Variants in CMKLR2 observed in about 807,000 individuals in gnomAD.
The protein encoded by CMKLR2 is chemerin chemokine-like receptor 2.
A neutral mutation model predicts 23.0 loss-of-function variants in CMKLR2; 18 were observed. That is an observed-to-expected ratio of 0.78 (90% CI 0.54 to 1.16). The LOEUF is 1.16. Among genes scored for constraint, CMKLR2 ranks in the 50% most tolerant of loss-of-function variants. The pLI is 0.00. For synonymous variants in CMKLR2, 158 were observed against 158.9 expected, an observed-to-expected ratio of 0.99 and a Z score of 0.05; for missense variants, 401 against 412.7, an observed-to-expected ratio of 0.97 and a Z score of 0.25.
At position 206,176,266 on chromosome 2, in the gene CMKLR2, A is replaced by G. The variant is rs1688204241; in HGVS notation, c.982T>C (p.Trp328Arg). 2 of 1,614,172 alleles carry G rather than the reference A, an allele frequency of 1.2e-6. No homozygotes were observed. The highest frequency in any genetic ancestry group is 1.6e-4 in the Middle Eastern group (1 of 6,062). ...SVAEILKYTL[W>R]EVSCSGTVSE... is the part of the protein sequence containing the mutation. ...ACTGTGCCAGAACAGCTGACTTCCCACAGTGTGTACTTGAGTATCTCAGCA... is the reference window on the plus strand; with the variant it reads ...ACTGTGCCAGAACAGCTGACTTCCCGCAGTGTGTACTTGAGTATCTCAGCA... The change falls in exon 2 of 2, where the codon TGG (tryptophan) becomes CGG (arginine). Residue 328 changes from tryptophan to arginine, a missense_variant. Coordinates refer to ENST00000621141, the MANE Select transcript of CMKLR2 (RefSeq NM_001389445.1).
intron 1 of CMKLR2, among the ~76,000 whole-genome samples, chr2:206,209,228 C>T (rs563647530): frequency 5.3e-5 from 8 of 151,874 alleles, no homozygotes; most frequent in Non-Finnish European, 1.2e-4. Flanking sequence ...ATCCCAGCTA[C>T]TCTAATGGCT....
intron 1 of CMKLR2, among the ~76,000 whole-genome samples, chr2:206,179,791 A>T (rs566757858): frequency 6.6e-6 from 1 of 152,266 alleles, no homozygotes; most frequent in South Asian, 2.1e-4. Flanking sequence ...AGCAGAAAAA[A>T]GATTAATAGT....
intron 1 of CMKLR2, among the ~76,000 whole-genome samples, chr2:206,200,387 C>T (rs1208734993): frequency 6.6e-6 from 1 of 151,988 alleles, no homozygotes; most frequent in African/African-American, 2.4e-5. Context: ...GGCGCCATTG[C>T]ACTCCAGCCT....
chr2:206,188,884 G>A, intron 1 of CMKLR2, among the ~76,000 whole-genome samples: 1 of 152,200 alleles, frequency 6.6e-6, no homozygotes, highest in Non-Finnish European at 1.5e-5. Context: ...CTGGCAGAAA[G>A]TGTAATAATA....
chr2:206,206,865 G>T (rs1214507230), intron 1 of CMKLR2, among the ~76,000 whole-genome samples: 1 of 149,620 alleles, frequency 6.7e-6, no homozygotes, highest in Non-Finnish European at 1.5e-5. Context: ...AAGAGAATTT[G>T]AGTTCTTGAT....
chr2:206,215,564 G>C (rs1047083524), upstream of CMKLR2, among the ~76,000 whole-genome samples: 2 of 152,156 alleles, frequency 1.3e-5, no homozygotes, highest in African/African-American at 2.4e-5. Context: ...TTATGTTTTA[G>C]CCACCACCTA....
intron 1 of CMKLR2, among the ~76,000 whole-genome samples, chr2:206,198,629 C>G (rs1280340143): frequency 6.6e-6 from 1 of 152,032 alleles, no homozygotes; most frequent in African/African-American, 2.4e-5. Context: ...AGGTCCAAAC[C>G]AAAAAGCCTA....
chr2:206,196,618 C>A (rs1384593707), intron 1 of CMKLR2, among the ~76,000 whole-genome samples: 1 of 152,200 alleles, frequency 6.6e-6, no homozygotes, highest in East Asian at 1.9e-4. Context: ...GACTCTTCCT[C>A]ACCACTCCCC....
At chr2:206,212,509 G>C (rs1162963261) in intron 1 of CMKLR2, among the ~76,000 whole-genome samples, 1 of 152,128 alleles carries the variant, frequency 6.6e-6, no homozygotes, top group Non-Finnish European at 1.5e-5. Context: ...TATTGCCAGT[G>C]AAAGTCCTGT....
rs951709648 is a variant in CMKLR2 at position 206,176,005 on chromosome 2, G to A, written c.*175C>T. 2.1e-6 allele frequency: 1 copy of A among 465,928 alleles called. No individual in the cohort carries two copies. The highest frequency in any genetic ancestry group is 3.7e-6 in the Non-Finnish European group (1 of 269,836). The allele number at this position is 465,928 out of a possible 1,614,324, so 28.9% of individuals were successfully genotyped here. On this transcript the variant is annotated 3_prime_UTR_variant, in exon 2 of 2. Transcript: ENST00000621141. ...TTATTGCCACATCACAAGGAGTCAA[G>A]AGGATCCTTCCTAAGTTTCATATCC...
At position 206,202,831 on chromosome 2, in the gene CMKLR2, G is replaced by A. The variant is rs997811235; in HGVS notation, c.-29+10476C>T. On this transcript the variant is annotated intron_variant, in intron 1 of 1. Coordinates refer to ENST00000621141, the MANE Select transcript of CMKLR2 (RefSeq NM_001389445.1). ...ACACGTGGCACTGTGGACCTCAGCT[G>A]CTGCCAGCCCCTCAAAGCCTGTCAC... Among the ~76,000 whole-genome samples, 10 of 152,096 alleles carry A rather than the reference G, an allele frequency of 6.6e-5. No individual in the cohort carries two copies. In the East Asian group the frequency reaches 1.9e-3, roughly 29 times the overall value.
chr2:206,209,411 G>T (rs150432959), intron 1 of CMKLR2, among the ~76,000 whole-genome samples: 1 of 152,036 alleles, frequency 6.6e-6, no homozygotes, highest in African/African-American at 2.4e-5. Context: ...GGATACAAGT[G>T]CAGGATGTAC....
intron 1 of CMKLR2, among the ~76,000 whole-genome samples, chr2:206,189,936 A>G (rs1025100335): frequency 6.6e-6 from 1 of 152,160 alleles, no homozygotes; most frequent in Non-Finnish European, 1.5e-5. Flanking sequence ...TGCCATTCAG[A>G]TGAACGATCT....
chr2:206,191,665 CTTTCT>C (rs1453991083), intron 1 of CMKLR2, among the ~76,000 whole-genome samples: 33 of 144,910 alleles, frequency 2.3e-4, no homozygotes, highest in African/African-American at 8.3e-4. Flanking sequence ...TCTTACTTCT[CTTTCT>C]TTTTTTTTTT....
rs1311136778 is a variant in CMKLR2, at chr2:206,186,742, T to G, written c.-28-9467A>C. ...ACTTAACATGAAGGAGGTTTTGCAG[T>G]TGACTATGGTGGGTTAAAGAGGTGC... On this transcript the variant is annotated intron_variant, in intron 1 of 1. Coordinates refer to ENST00000621141, the MANE Select transcript of CMKLR2 (RefSeq NM_001389445.1). Among the ~76,000 whole-genome samples the G allele has an allele frequency of 4.0e-5, 6 of 151,714 alleles. No homozygotes were observed. The East Asian group carries it at 1.2e-3, about 29-fold the overall frequency.
chr2:206,201,668 A>T (rs1689101666), intron 1 of CMKLR2, among the ~76,000 whole-genome samples: 2 of 152,200 alleles, frequency 1.3e-5, no homozygotes, highest in African/African-American at 4.8e-5. Flanking sequence ...AAAAAAAAAA[A>T]GTAACTTTGC....
chr2:206,206,628 G>A (rs1289607170), intron 1 of CMKLR2, among the ~76,000 whole-genome samples: 2 of 152,178 alleles, frequency 1.3e-5, no homozygotes, highest in Non-Finnish European at 2.9e-5. Flanking sequence ...TAGAGCAACT[G>A]TTACTACATA....
intron 1 of CMKLR2, among the ~76,000 whole-genome samples, chr2:206,184,594 C>T (rs937083386): frequency 3.9e-5 from 6 of 152,046 alleles, no homozygotes; most frequent in African/African-American, 1.4e-4. Context: ...CGTGCCCAAC[C>T]TAGACCCCAT....
intron 1 of CMKLR2, among the ~76,000 whole-genome samples, chr2:206,207,931 A>T (rs1017453032): frequency 3.3e-5 from 5 of 150,688 alleles, no homozygotes; most frequent in African/African-American, 1.2e-4. Flanking sequence ...TAGTAGAGAC[A>T]GTTTCTCCAT....
Sources: gnomAD v4.1 joint callset for allele counts (sites outside exome capture counted in the v4.1 genomes callset) on GRCh38, gnomAD v4.1.1 for gene constraint, MANE v1.5 for transcripts, NCBI Gene and HGNC (gene_info 2026-07-23, HGNC 2026-07-21) for gene names.